KCNMA1: variants seen among roughly 807,000 people sequenced by gnomAD.
KCNMA1 encodes the protein potassium calcium-activated channel subfamily M alpha 1.
KCNMA1 carries 29 observed loss-of-function variants against 140.0 expected under a neutral mutation model. The ratio of observed to expected loss-of-function variants is 0.21; its 90% CI spans 0.15 to 0.28. The LOEUF (loss-of-function observed/expected upper bound fraction) is 0.28, where lower values mean the gene tolerates loss of function less well. KCNMA1 is among the 10% of genes least tolerant of loss of function. The probability of loss-of-function intolerance (pLI) is 1.00; values close to 1 mark genes in which losing one functional copy is unlikely to be tolerated. For synonymous variants in KCNMA1, 612 were observed against 611.9 expected (o/e 1.00, Z 0.00); for missense variants, 880 against 1,602.2 (o/e 0.55, Z 7.70).
chr10:77,286,405 C>T (rs1187857001), intron 2 of KCNMA1, among the ~76,000 whole-genome samples: 1 of 152,136 alleles, frequency 6.6e-6, no homozygotes, highest in Non-Finnish European at 1.5e-5. Context: ...TAAAAGAAAA[C>T]ATAACCCTCT....
intron 15 of KCNMA1, among the ~76,000 whole-genome samples, chr10:77,028,665 C>A (rs2093680683): frequency 6.6e-6 from 1 of 152,092 alleles, no homozygotes; most frequent in Non-Finnish European, 1.5e-5. Flanking sequence ...AATCACTGAG[C>A]CTTTAGTCAA....
rs1268550793 is a variant in KCNMA1, at chr10:77,257,540, GGAA to G, written c.541-6287_541-6285del. Among the ~76,000 whole-genome samples the G allele has an allele frequency of 6.6e-5, 10 of 152,272 alleles. No homozygotes were observed. The East Asian group carries it at 1.2e-3, about 18-fold the overall frequency. ...TGAGAAATGGAAAACCAAGGAAAAAGGAAGAAGAATTTTTGACATTCCAAGTCC... is the reference window on the plus strand; with the variant it reads ...TGAGAAATGGAAAACCAAGGAAAAAGGAAGAATTTTTGACATTCCAAGTCC... On this transcript the variant is annotated intron_variant, in intron 2 of 27. Coordinates refer to ENST00000286628, the MANE Select transcript of KCNMA1 (RefSeq NM_001161352.2).
chr10:77,008,685 C>A lies in KCNMA1; in HGVS notation c.2092+3282G>T, dbSNP rs891024085. 2.6e-5 allele frequency among the ~76,000 whole-genome samples: 4 copies of A among 152,156 alleles called. No individual in the cohort carries two copies. The South Asian group carries it at 6.2e-4, about 24-fold the overall frequency. On this transcript the variant is annotated intron_variant, in intron 18 of 27. Coordinates refer to ENST00000286628, the MANE Select transcript of KCNMA1 (RefSeq NM_001161352.2). ...GGGTTGGGGAAGGAGGGTTAGGAAG[C>A]TATGGGTAAGGGCCAGTGACTGTCA...
At chr10:77,215,389 G>GT (rs371178117) in intron 3 of KCNMA1, among the ~76,000 whole-genome samples, 3 of 139,810 alleles carry the variant, frequency 2.1e-5, no homozygotes, top group Non-Finnish European at 4.6e-5. Context: ...GTTTTGTTTT[G>GT]TCTGTCTTTT....
chr10:77,637,740 T>TGCCGCTGCC lies in KCNMA1; in HGVS notation c.-99_-98insGGCAGCGGC, dbSNP rs1555529262. On this transcript the variant is annotated 5_prime_UTR_variant, in exon 1 of 28. Transcript: ENST00000286628. ...TCAACAGCCATATTGCTGCTACTGC[T>TGCCGCTGCC]GCCGCCGCCGCCGCCGCCGCGGAGC... is the stretch of plus-strand genomic sequence containing the variant. 49 of 1,300,720 alleles carry TGCCGCTGCC rather than the reference T, an allele frequency of 3.8e-5. No individual in the cohort carries two copies. The highest frequency in any genetic ancestry group is 5.7e-4 in the Middle Eastern group (2 of 3,496). The allele number at this position is 1,300,720 out of a possible 1,614,324, so 80.6% of individuals were successfully genotyped here. A position where few individuals can be genotyped will look rare whatever the true frequency, so the allele number is the denominator to read the frequency against.
At chr10:77,546,985 T>G (rs1323198533) in intron 1 of KCNMA1, among the ~76,000 whole-genome samples, 1 of 152,094 alleles carries the variant, frequency 6.6e-6, no homozygotes, top group African/African-American at 2.4e-5. Flanking sequence ...TGGCACATGG[T>G]CAAGACACAA....
rs1447973627 is a variant in KCNMA1, at chr10:76,940,996, A to AG, written c.2902+3776dup. 1.3e-3 allele frequency among the ~76,000 whole-genome samples: 100 copies of AG among 74,622 alleles called. 2 individuals are homozygous for AG. Among genetic ancestry groups the AG allele is most frequent in the African/African-American group, 5.3e-3 (91 of 17,156 alleles). The allele number at this position is 74,622 out of a possible 152,430, so 49.0% of individuals were successfully genotyped here. A position where few individuals can be genotyped will look rare whatever the true frequency, so the allele number is the denominator to read the frequency against. ...AAGAAAGAAAGAGAGAAAGAGAGAA[A>AG]GAAAGGAAGGAAGGAAGGAAGGAAG... is the stretch of plus-strand genomic sequence containing the variant. On this transcript the variant is annotated intron_variant, in intron 23 of 27. Transcript: ENST00000286628.
chr10:77,266,684 C>T lies in KCNMA1; in HGVS notation c.541-15428G>A, dbSNP rs565852203. On this transcript the variant is annotated intron_variant, in intron 2 of 27. Transcript: ENST00000286628. ...AATTACCCTGAATCTGCTACTTCAC[C>T]CAAGGGACCTCTTGAAAGACCCCAA... Among the ~76,000 whole-genome samples, 3 of 152,196 alleles carry T rather than the reference C, an allele frequency of 2.0e-5. No individual in the cohort carries two copies. The South Asian group carries it at 6.2e-4, about 32-fold the overall frequency.
chr10:77,130,175 A>G (rs893089401), intron 5 of KCNMA1, among the ~76,000 whole-genome samples: 2 of 152,218 alleles, frequency 1.3e-5, no homozygotes, highest in Admixed American at 6.5e-5. Context: ...TGATTTTCTG[A>G]CTTTTCAGTG....
rs541204249 is a variant in KCNMA1, at chr10:77,441,964, G to A, written c.379-37941C>T. On this transcript the variant is annotated intron_variant, in intron 1 of 27. Transcript: ENST00000286628. ...CCACCTGAGCCACCACAGCCTCAGG[G>A]CGGCTTCAGAACTGTCCTGGATGAG... 9.2e-5 allele frequency among the ~76,000 whole-genome samples: 14 copies of A among 152,264 alleles called. No individual in the cohort carries two copies. In the East Asian group the frequency reaches 1.5e-3, roughly 17 times the overall value.
chr10:76,999,187 T>C (rs1488700150), intron 19 of KCNMA1, among the ~76,000 whole-genome samples: 1 of 152,226 alleles, frequency 6.6e-6, no homozygotes, highest in Non-Finnish European at 1.5e-5. Context: ...TGGATTAAAT[T>C]GCACAGCTGA....
At chr10:77,156,716 A>T (rs2098488472) in intron 5 of KCNMA1, among the ~76,000 whole-genome samples, 1 of 152,186 alleles carries the variant, frequency 6.6e-6, no homozygotes, top group Non-Finnish European at 1.5e-5. Context: ...TGTAAATAAC[A>T]TCACTACTGT....
At chr10:76,942,273 A>G (rs2062708351) in intron 23 of KCNMA1, among the ~76,000 whole-genome samples, 3 of 152,114 alleles carry the variant, frequency 2.0e-5, no homozygotes, top group Admixed American at 6.5e-5. Context: ...CTTCTTTTAT[A>G]AGGACACCAG....
intron 25 of KCNMA1, among the ~76,000 whole-genome samples, chr10:76,896,229 C>G (rs1157168023): frequency 2.0e-5 from 3 of 152,116 alleles, no homozygotes; most frequent in Non-Finnish European, 2.9e-5. Flanking sequence ...CATTCTTTTC[C>G]CAGGGTTGTT....
chr10:77,353,978 G>A (rs1482178856), intron 2 of KCNMA1, among the ~76,000 whole-genome samples: 1 of 143,450 alleles, frequency 7.0e-6, no homozygotes, highest in Non-Finnish European at 1.5e-5. Context: ...TTTGGGGGGG[G>A]GGGTGGTGGG....
intron 26 of KCNMA1, among the ~76,000 whole-genome samples, chr10:76,889,968 C>T (rs114950561): frequency 0.036 from 5,446 of 152,256 alleles, 334 homozygotes; most frequent in African/African-American, 0.12. Context: ...CAGCTGTAAC[C>T]GCTGTGATAG....
At chr10:77,499,755 G>A (rs1392544070) in intron 1 of KCNMA1, among the ~76,000 whole-genome samples, 1 of 152,038 alleles carries the variant, frequency 6.6e-6, no homozygotes, top group Non-Finnish European at 1.5e-5. Flanking sequence ...AGATGTCCAT[G>A]GTAATAAAGA....
At chr10:76,891,427 A>G in intron 26 of KCNMA1, 98 bp downstream of exon 26, 1 of 902,838 alleles carries the variant, frequency 1.1e-6, no homozygotes, top group Non-Finnish European at 1.8e-6. Flanking sequence ...GGAAGGAGAA[A>G]AGCCAGATGC....
At chr10:77,314,391 A>G (rs2080187035) in intron 2 of KCNMA1, among the ~76,000 whole-genome samples, 1 of 152,228 alleles carries the variant, frequency 6.6e-6, no homozygotes, top group Admixed American at 6.5e-5. Context: ...AAAGAAAAAG[A>G]AAATGTTTCC....
Sources: gnomAD v4.1 joint callset for allele counts (sites outside exome capture counted in the v4.1 genomes callset) on GRCh38, gnomAD v4.1.1 for gene constraint, MANE v1.5 for transcripts, NCBI Gene and HGNC (gene_info 2026-07-23, HGNC 2026-07-21) for gene names.